Variants in THSD7A observed in about 807,000 individuals in gnomAD.
The protein encoded by THSD7A is thrombospondin type-1 domain-containing protein 7A.
A neutral mutation model predicts 231.3 loss-of-function variants in THSD7A; 96 were observed. The observed-to-expected ratio is 0.41, with a 90% CI of 0.35 to 0.49. The LOEUF is 0.49. Ranked by LOEUF, THSD7A falls within the 20% of genes least tolerant of loss-of-function variation. THSD7A has a pLI of 0.05. For missense variants in THSD7A, 2,290 were observed against 2,070.2 expected (o/e 1.11, Z -2.06); for synonymous variants, 940 against 743.3 (o/e 1.26, Z -4.30).
rs138187917 is a variant in THSD7A at position 11,395,079 on chromosome 7, C to T, written c.4411+6716G>A. On this transcript the variant is annotated intron_variant, in intron 23 of 27. Coordinates refer to ENST00000423059, the MANE Select transcript of THSD7A (RefSeq NM_015204.3). ...GGCTATATTCAGGTGACCCATCTCA[C>T]GTGCAAAGACACACATAGGCTTAAA... 2.0e-3 allele frequency among the ~76,000 whole-genome samples: 305 copies of T among 151,476 alleles called. 3 individuals are homozygous for T. Among genetic ancestry groups the T allele is most frequent in the African/African-American group, 6.7e-3 (276 of 41,260 alleles).
At chr7:11,675,770 G>C (rs184010161) in intron 1 of THSD7A, among the ~76,000 whole-genome samples, 1 of 152,168 alleles carries the variant, frequency 6.6e-6, no homozygotes, top group African/African-American at 2.4e-5. Flanking sequence ...CCCAGTAAGG[G>C]GCTTATAGAT....
chr7:11,541,512 T>C lies in THSD7A; in HGVS notation c.1729A>G (p.Lys577Glu). The C allele has an allele frequency of 6.2e-7, 1 of 1,613,970 alleles. No individual in the cohort carries two copies. Among genetic ancestry groups the C allele is most frequent in the African/African-American group, 1.3e-5 (1 of 75,040 alleles). Residue 577 changes from lysine to glutamate, a missense_variant, in exon 6 of 28, where the codon AAA becomes GAA. Transcript: ENST00000423059. ...PCEEPACYDW[K>E]AVRLGNCEPD... Reference sequence around the variant, plus strand: ...TCGCAGTTTCCCAGTCTCACTGCTTTCCAGTCATAACAGGCAGGCTCTTCA... The same window carrying C: ...TCGCAGTTTCCCAGTCTCACTGCTTCCCAGTCATAACAGGCAGGCTCTTCA...
At chr7:11,470,329 G>A (rs1378462554) in intron 8 of THSD7A, among the ~76,000 whole-genome samples, 2 of 151,834 alleles carry the variant, frequency 1.3e-5, no homozygotes, top group Non-Finnish European at 2.9e-5. Flanking sequence ...GAAAAATTTT[G>A]TGAAAATTTA....
chr7:11,522,543 T>C (rs556772373), intron 6 of THSD7A, among the ~76,000 whole-genome samples: 94 of 152,330 alleles, frequency 6.2e-4, no homozygotes, highest in African/African-American at 2.1e-3. Flanking sequence ...TGCTACCGTA[T>C]TAGACAATCT....
chr7:11,395,215 A>C (rs1783135841), intron 23 of THSD7A, among the ~76,000 whole-genome samples: 1 of 152,206 alleles, frequency 6.6e-6, no homozygotes, highest in African/African-American at 2.4e-5. Context: ...AAAGATCAAA[A>C]GAGACAAAGA....
chr7:11,730,300 T>C (rs1301136108), intron 1 of THSD7A, among the ~76,000 whole-genome samples: 5 of 151,660 alleles, frequency 3.3e-5, no homozygotes, highest in Non-Finnish European at 7.4e-5. Flanking sequence ...AGTAATATTC[T>C]TGTAATTTAC....
chr7:11,441,283 C>T (rs1291634476), intron 13 of THSD7A, among the ~76,000 whole-genome samples: 2 of 151,632 alleles, frequency 1.3e-5, no homozygotes, highest in African/African-American at 4.8e-5. Flanking sequence ...GATGATACAC[C>T]CTTTAGAAAT....
intron 1 of THSD7A, among the ~76,000 whole-genome samples, chr7:11,772,548 A>G (rs557978570): frequency 1.1e-4 from 17 of 152,356 alleles, no homozygotes; most frequent in South Asian, 1.0e-3. Flanking sequence ...ACCCATAAAA[A>G]AAGAAATCAT....
chr7:11,372,750 G>A lies in THSD7A; in HGVS notation c.*3044C>T, dbSNP rs1377090584. The stretch of plus-strand genomic sequence containing the variant: ...GTGAGGTAAAAGTGTCAATAGAGAA[G>A]TTACTACTATATTCCCCTCCCAAAT... On this transcript the variant is annotated 3_prime_UTR_variant, in exon 28 of 28. Coordinates refer to ENST00000423059, the MANE Select transcript of THSD7A (RefSeq NM_015204.3). 1.3e-5 allele frequency: 2 copies of A among 151,878 alleles called. No homozygotes were observed. The highest frequency in any genetic ancestry group is 2.9e-5 in the Non-Finnish European group (2 of 67,950). 9.4% of individuals were successfully genotyped at this position (151,878 alleles called of 1,614,324 possible).
rs1449651610 is a variant in THSD7A, at chr7:11,551,022, G to A, written c.1454-7905C>T. On this transcript the variant is annotated intron_variant, in intron 4 of 27. Coordinates refer to ENST00000423059, the MANE Select transcript of THSD7A (RefSeq NM_015204.3). The stretch of plus-strand genomic sequence containing the variant: ...ACACATAAATCAATGGAACAGATTA[G>A]TGATTCCAGAAACAAAGTCACACAC... Among the ~76,000 whole-genome samples, 3 of 152,082 alleles carry A rather than the reference G, an allele frequency of 2.0e-5. 1 individual carries two copies. Among genetic ancestry groups the A allele is most frequent in the African/African-American group, 7.2e-5 (3 of 41,422 alleles).
intron 6 of THSD7A, among the ~76,000 whole-genome samples, chr7:11,501,453 A>T (rs1787333494): frequency 6.6e-6 from 1 of 152,238 alleles, no homozygotes; most frequent in South Asian, 2.1e-4. Flanking sequence ...GCACAATAAA[A>T]ATAGAAATCA....
intron 17 of THSD7A, among the ~76,000 whole-genome samples, chr7:11,415,101 C>T (rs1276336923): frequency 6.6e-6 from 1 of 152,232 alleles, no homozygotes; most frequent in African/African-American, 2.4e-5. Flanking sequence ...AGACTGTAAC[C>T]TACTCTTGTG....
intron 23 of THSD7A, among the ~76,000 whole-genome samples, chr7:11,389,421 CTTTTTTTTTTTTTTTTTTT>C (rs57755425): frequency 0.014 from 508 of 37,568 alleles, no homozygotes; most frequent in Middle Eastern, 0.023. Context: ...GCAACTCCTG[CTTTTTTTTTTTTTTTTTTT>C]TTTTTTTTTT....
At chr7:11,822,126 C>T (rs1489813707) in intron 1 of THSD7A, among the ~76,000 whole-genome samples, 2 of 152,090 alleles carry the variant, frequency 1.3e-5, no homozygotes, top group African/African-American at 4.8e-5. Flanking sequence ...CAAGTTAGGA[C>T]TTCTAGGATA....
intron 1 of THSD7A, among the ~76,000 whole-genome samples, chr7:11,765,291 T>G (rs932696691): frequency 6.6e-6 from 1 of 152,204 alleles, no homozygotes; most frequent in Non-Finnish European, 1.5e-5. Flanking sequence ...GTTTGCTATC[T>G]TAGGATACTT....
chr7:11,732,973 G>A (rs553744447), intron 1 of THSD7A, among the ~76,000 whole-genome samples: 6 of 151,872 alleles, frequency 4.0e-5, no homozygotes, highest in Non-Finnish European at 5.9e-5. Context: ...CATAGTTTAT[G>A]GAACATAAAT....
intron 1 of THSD7A, among the ~76,000 whole-genome samples, chr7:11,657,077 C>T (rs1782738411): frequency 6.6e-6 from 1 of 151,692 alleles, no homozygotes; most frequent in Non-Finnish European, 1.5e-5. Flanking sequence ...TGATGTATGC[C>T]TTAGCAATGT....
intron 6 of THSD7A, among the ~76,000 whole-genome samples, chr7:11,538,906 G>A (rs938713486): frequency 4.6e-5 from 7 of 152,152 alleles, no homozygotes; most frequent in African/African-American, 1.7e-4. Flanking sequence ...GAATATTTCA[G>A]AAAACAAATA....
At chr7:11,402,065 T>C in intron 22 of THSD7A, 97 bp from the exon 23 acceptor site, 2 of 957,758 alleles carry the variant, frequency 2.1e-6, no homozygotes, top group Non-Finnish European at 3.2e-6. Flanking sequence ...ATGTTTCTGG[T>C]ATCCCAGGCA....
Sources: allele counts gnomAD v4.1 joint callset (sites outside exome capture counted in the v4.1 genomes callset), GRCh38; gene constraint gnomAD v4.1.1; transcripts MANE v1.5; gene names NCBI Gene and HGNC (gene_info 2026-07-23, HGNC 2026-07-21).